SLC10A7: variants seen among roughly 807,000 people sequenced by gnomAD.
SLC10A7 encodes the protein sodium/bile acid cotransporter 7.
In SLC10A7, 29 loss-of-function variants were observed where a neutral mutation model predicts 43.2. The ratio of observed to expected loss-of-function variants is 0.67; its 90% confidence interval spans 0.50 to 0.92. The LOEUF (loss-of-function observed/expected upper bound fraction) is 0.92. Among genes scored for constraint, SLC10A7 ranks in the 40% least tolerant of loss-of-function variants. The pLI, the probability that SLC10A7 is intolerant of heterozygous loss-of-function variation, is 0.00. For missense variants in SLC10A7, 295 were observed against 403.2 expected (o/e 0.73, Z 2.30); for synonymous variants, 152 against 144.8 (o/e 1.05, Z -0.35).
At chr4:146,481,468 C>T (rs747833150) in intron 4 of SLC10A7, among the ~76,000 whole-genome samples, 6 of 152,168 alleles carry the variant, frequency 3.9e-5, no homozygotes, top group Non-Finnish European at 8.8e-5. Context: ...TCTACCATTT[C>T]GGGGTCCAGA....
chr4:146,327,475 C>T (rs1322544299), intron 5 of SLC10A7, among the ~76,000 whole-genome samples: 1 of 152,164 alleles, frequency 6.6e-6, no homozygotes, highest in Non-Finnish European at 1.5e-5. Flanking sequence ...ATGACTTGTA[C>T]TAAGTTCAGA....
At chr4:146,325,325 C>T (rs1733027455) in intron 6 of SLC10A7, among the ~76,000 whole-genome samples, 1 of 152,202 alleles carries the variant, frequency 6.6e-6, no homozygotes, top group Non-Finnish European at 1.5e-5. Context: ...AATCTTTCAT[C>T]TAATTTCTCA....
At chr4:146,453,888 A>T (rs1354800916) in intron 4 of SLC10A7, among the ~76,000 whole-genome samples, 1 of 151,980 alleles carries the variant, frequency 6.6e-6, no homozygotes, top group African/African-American at 2.4e-5. Context: ...CATTTTCACA[A>T]TATGCATGGG....
intron 5 of SLC10A7, among the ~76,000 whole-genome samples, chr4:146,342,837 T>C (rs1374162570): frequency 6.6e-6 from 1 of 151,848 alleles, no homozygotes; most frequent in South Asian, 2.1e-4. Context: ...AGGTATGCAT[T>C]TGACAAATTA....
At chr4:146,362,145 A>G (rs1312401506) in intron 5 of SLC10A7, among the ~76,000 whole-genome samples, 6 of 152,182 alleles carry the variant, frequency 3.9e-5, no homozygotes, top group Non-Finnish European at 8.8e-5. Flanking sequence ...CGGCCTTAAG[A>G]GGCTGTAGAG....
intron 10 of SLC10A7, among the ~76,000 whole-genome samples, chr4:146,267,483 A>G (rs1728633770): frequency 6.6e-6 from 1 of 152,176 alleles, no homozygotes; most frequent in Non-Finnish European, 1.5e-5. Flanking sequence ...ACCTGCTCTC[A>G]TTGCACCCAT....
At chr4:146,424,625 A>C (rs369874070) in intron 5 of SLC10A7, among the ~76,000 whole-genome samples, 43 of 152,146 alleles carry the variant, frequency 2.8e-4, no homozygotes, top group African/African-American at 9.9e-4. Flanking sequence ...GGGCTACTGC[A>C]CTGTAGCCTG....
chr4:146,412,511 C>T (rs1279343743), intron 5 of SLC10A7, among the ~76,000 whole-genome samples: 2 of 152,104 alleles, frequency 1.3e-5, no homozygotes, highest in Non-Finnish European at 2.9e-5. Flanking sequence ...CTTAGCCTGC[C>T]TACCATGACC....
At chr4:146,423,978 T>A (rs1180493272) in intron 5 of SLC10A7, among the ~76,000 whole-genome samples, 1 of 152,184 alleles carries the variant, frequency 6.6e-6, no homozygotes, top group Non-Finnish European at 1.5e-5. Context: ...CAAAAAACAA[T>A]CTTTGAACTG....
chr4:146,257,392 C>G (rs1041158901), intron 11 of SLC10A7, among the ~76,000 whole-genome samples: 4 of 152,142 alleles, frequency 2.6e-5, no homozygotes, highest in African/African-American at 4.8e-5. Context: ...CAGGTAGGAT[C>G]CTGGGTGCCT....
At chr4:146,410,988 C>T (rs1728149084) in intron 5 of SLC10A7, among the ~76,000 whole-genome samples, 1 of 152,018 alleles carries the variant, frequency 6.6e-6, no homozygotes, top group African/African-American at 2.4e-5. Flanking sequence ...AGCCACCACG[C>T]CTGGCTAATT....
intron 5 of SLC10A7, among the ~76,000 whole-genome samples, chr4:146,384,107 A>C (rs1414929835): frequency 6.6e-6 from 1 of 152,170 alleles, no homozygotes; most frequent in Non-Finnish European, 1.5e-5. Flanking sequence ...CAGTGCCAGA[A>C]TGAAATTATA....
intron 4 of SLC10A7, among the ~76,000 whole-genome samples, chr4:146,503,295 AC>A (rs1345340439): frequency 6.6e-6 from 1 of 152,140 alleles, no homozygotes; most frequent in African/African-American, 2.4e-5. Context: ...CCAAGGAAGA[AC>A]CCCCTATAAG....
At chr4:146,495,808 C>CACAG (rs1490434299) in intron 4 of SLC10A7, among the ~76,000 whole-genome samples, 4 of 150,364 alleles carry the variant, frequency 2.7e-5, no homozygotes, top group Non-Finnish European at 4.4e-5. Flanking sequence ...CACACACACA[C>CACAG]AGAGGCACAT....
At chr4:146,436,630 C>T (rs978457349) in intron 5 of SLC10A7, among the ~76,000 whole-genome samples, 7 of 151,984 alleles carry the variant, frequency 4.6e-5, no homozygotes, top group African/African-American at 1.4e-4. Context: ...AACAAGATGA[C>T]TCAAAGGACA....
At chr4:146,445,886 C>G (rs1233396133) in intron 4 of SLC10A7, among the ~76,000 whole-genome samples, 8 of 109,346 alleles carry the variant, frequency 7.3e-5, no homozygotes, top group African/African-American at 3.0e-4. Context: ...TCTCTCTTCT[C>G]TCTTCTGTGT....
chr4:146,420,295 A>G (rs2149846455), intron 5 of SLC10A7, among the ~76,000 whole-genome samples: 1 of 152,326 alleles, frequency 6.6e-6, no homozygotes, highest in South Asian at 2.1e-4. Flanking sequence ...GTTTTTGTTC[A>G]TGATGCTTCG....
chr4:146,491,216 C>G (rs1413261061), intron 4 of SLC10A7, among the ~76,000 whole-genome samples: 1 of 151,956 alleles, frequency 6.6e-6, no homozygotes, highest in Non-Finnish European at 1.5e-5. Context: ...GCTGACAGAT[C>G]AGGTGAGCTG....
At chr4:146,336,826 G>A (rs1055569655) in intron 5 of SLC10A7, among the ~76,000 whole-genome samples, 9 of 151,828 alleles carry the variant, frequency 5.9e-5, no homozygotes, top group African/African-American at 2.2e-4. Context: ...ATATAAAAGA[G>A]GACAGAAAAA....
Sources: allele counts gnomAD v4.1 joint callset (sites outside exome capture counted in the v4.1 genomes callset), GRCh38; gene constraint gnomAD v4.1.1; transcripts MANE v1.5; gene names NCBI Gene and HGNC (gene_info 2026-07-23, HGNC 2026-07-21).